The following BNC1 variants were observed in gnomAD, a reference collection of about 807,000 sequenced individuals.
The protein encoded by BNC1 is basonuclin zinc finger protein 1.
In BNC1, 8 loss-of-function variants were observed where a neutral mutation model predicts 66.5. The observed-to-expected ratio is 0.12, with a 90% CI of 0.07 to 0.22. BNC1 has a LOEUF of 0.22. Ranked by LOEUF, BNC1 falls within the 10% of genes least tolerant of loss-of-function variation. The pLI, the probability that BNC1 is intolerant of heterozygous loss-of-function variation, is 1.00. For synonymous variants in BNC1, 454 were observed against 452.6 expected, an observed-to-expected ratio of 1.00 and a Z score of -0.04; for missense variants, 1,069 against 1,241.3, an observed-to-expected ratio of 0.86 and a Z score of 2.09.
At chr15:83,269,574 A>T (rs531476386) in intron 1 of BNC1, among the ~76,000 whole-genome samples, 21 of 152,276 alleles carry the variant, frequency 1.4e-4, no homozygotes, top group African/African-American at 4.3e-4. Flanking sequence ...GACTTGGGAA[A>T]TTCATTTTAA....
At chr15:83,283,427 G>A (rs1465918592) in intron 1 of BNC1, 3 of 1,188,128 alleles carry the variant, frequency 2.5e-6, no homozygotes, top group African/African-American at 3.3e-5. Flanking sequence ...CAGCCTCGCC[G>A]CCGCCGCCCG....
At chr15:83,284,143 A>G (rs2151441839) in intron 1 of BNC1, among the ~76,000 whole-genome samples, 1 of 151,374 alleles carries the variant, frequency 6.6e-6, no homozygotes, top group Admixed American at 6.6e-5. Context: ...AGGTGGAAAC[A>G]GCAAGTCCTA....
chr15:83,283,398 C>T (rs1430451967), intron 1 of BNC1: 4 of 1,290,852 alleles, frequency 3.1e-6, no homozygotes, highest in Admixed American at 4.2e-5. Context: ...CGGCCTCCTC[C>T]TTCTCCGCCC....
intron 1 of BNC1, among the ~76,000 whole-genome samples, chr15:83,281,953 C>T (rs373071761): frequency 1.3e-5 from 2 of 152,318 alleles, no homozygotes; most frequent in Admixed American, 6.5e-5. Context: ...CATAAAATAG[C>T]CCTCCAGTAA....
chr15:83,275,504 A>G (rs1595941583), intron 1 of BNC1, among the ~76,000 whole-genome samples: 1 of 151,946 alleles, frequency 6.6e-6, no homozygotes, highest in East Asian at 1.9e-4. Context: ...AAAAAAAAAA[A>G]AAAAACTAAG....
chr15:83,281,348 A>T lies in BNC1; in HGVS notation c.99+3182T>A, dbSNP rs2038376990. Among the ~76,000 whole-genome samples, 2 of 152,238 alleles carry T rather than the reference A, an allele frequency of 1.3e-5. 1 individual carries two copies. Among genetic ancestry groups the T allele is most frequent in the South Asian group, 4.1e-4 (2 of 4,828 alleles). On this transcript the variant is annotated intron_variant, in intron 1 of 4. Coordinates refer to ENST00000345382, the MANE Select transcript of BNC1 (RefSeq NM_001717.4). ...CTCTCAGAGAAGTCATCAAAAATAA[A>T]GAAACAAAAACTCTGCAGTAGAACA...
rs750760121 is a variant in BNC1, at chr15:83,264,251, T to C, written c.1000A>G (p.Arg334Gly). The C allele has an allele frequency of 9.3e-6, 15 of 1,614,098 alleles. No individual in the cohort carries two copies. The Admixed American group carries it at 2.5e-4, about 27-fold the overall frequency. ...SSYNIVTKFE[R>G]TQLSPEAKVK... ...TTGGCCTCAGGGGATAACTGTGTCC[T>C]TTCAAACTTAGTGACAATGTTGTAT... The change falls in exon 4 of 5, where the codon AGG (arginine) becomes GGG (glycine). Residue 334 changes from arginine (R) to glycine (G), a missense_variant. Physicochemically the swap from Arg to Gly is moderately radical, Grantham distance 125. Around this residue, in one of 7 missense-constraint regions of BNC1, gnomAD observed 82 missense variants for 136.3 expected, o/e 0.60. Coordinates refer to ENST00000345382, the MANE Select transcript of BNC1 (RefSeq NM_001717.4).
At position 83,264,606 on chromosome 15, in the gene BNC1, A is replaced by T. The variant is rs771668778; in HGVS notation, c.645T>A (p.Ser215Arg). 7.4e-6 allele frequency: 12 copies of T among 1,613,398 alleles called. No individual in the cohort carries two copies. In the Admixed American group the frequency reaches 8.3e-5, roughly 11 times the overall value. Residue 215 changes from serine (S) to arginine (R), a missense_variant, in exon 4 of 5, where the codon AGT becomes AGA. Physicochemically the swap from Ser to Arg is moderately radical, Grantham distance 110. This residue lies in a region of BNC1 where 181 missense variants were observed against 181.5 expected (regional missense o/e 1.00). Transcript: ENST00000345382. ...TGTCCACAGGAGTGGGGAGGCTAGA[A>T]CTCCTGTGACTGCAGCTCTCGATGA... ...RAFIESCSHR[S>R]SSLPTPVDKG...
At chr15:83,276,068 C>G (rs2038319404) in intron 1 of BNC1, among the ~76,000 whole-genome samples, 1 of 152,188 alleles carries the variant, frequency 6.6e-6, no homozygotes. Context: ...AAAACTTCAG[C>G]TCCATGCCTT....
chr15:83,278,199 A>C (rs2038345728), intron 1 of BNC1, among the ~76,000 whole-genome samples: 1 of 152,232 alleles, frequency 6.6e-6, no homozygotes, highest in East Asian at 1.9e-4. Flanking sequence ...GACACTCAAC[A>C]CATCATGCCA....
At chr15:83,266,451 G>A (rs888384256) in intron 3 of BNC1, among the ~76,000 whole-genome samples, 1 of 152,168 alleles carries the variant, frequency 6.6e-6, no homozygotes, top group African/African-American at 2.4e-5. Flanking sequence ...TTGCTGTGTG[G>A]TTCATGTAAG....
chr15:83,260,600 G>GT (rs2038129478), intron 4 of BNC1, among the ~76,000 whole-genome samples: 1 of 152,128 alleles, frequency 6.6e-6, no homozygotes, highest in South Asian at 2.1e-4. Context: ...ACATTCAACT[G>GT]TAATTGCCTG....
chr15:83,267,129 C>A, intron 2 of BNC1, 58 bp from the exon 3 acceptor site: 28 of 1,407,776 alleles, frequency 2.0e-5, no homozygotes, highest in Non-Finnish European at 2.7e-5. Flanking sequence ...AAGAGAAACA[C>A]TGCAAAAAAA....
At position 83,263,412 on chromosome 15, in the gene BNC1, T is replaced by C. The variant is rs1487537454; in HGVS notation, c.1839A>G (p.Ser613=). 6.2e-7 allele frequency: 1 copy of C among 1,614,220 alleles called. No individual in the cohort carries two copies. ...TGATGGCTCCACTGGACTCAATTAC[T>C]GATTCACGATGGCAGGGCCTCTCCC... is the stretch of plus-strand genomic sequence containing the variant. ...PEGERPCHRE[S]VIESSGAISQ... Residue 613 remains serine (S), a synonymous_variant, in exon 4 of 5, where the codon TCA becomes TCG. Coordinates refer to ENST00000345382, the MANE Select transcript of BNC1 (RefSeq NM_001717.4).
At chr15:83,280,043 G>T (rs1288115926) in intron 1 of BNC1, among the ~76,000 whole-genome samples, 1 of 152,140 alleles carries the variant, frequency 6.6e-6, no homozygotes, top group African/African-American at 2.4e-5. Flanking sequence ...TTGTTCTTTT[G>T]ATGTCTATGA....
At chr15:83,277,307 T>C (rs1225699295) in intron 1 of BNC1, among the ~76,000 whole-genome samples, 1 of 152,124 alleles carries the variant, frequency 6.6e-6, no homozygotes, top group Non-Finnish European at 1.5e-5. Flanking sequence ...CTTGAACTCC[T>C]GATTCACTTT....
At chr15:83,282,999 T>G (rs775377514) in intron 1 of BNC1, 21 of 1,081,708 alleles carry the variant, frequency 1.9e-5, no homozygotes, top group Non-Finnish European at 2.6e-5. Context: ...TGCCCTGGCC[T>G]TCAGAGGACT....
At chr15:83,271,266 C>A (rs763934105) in intron 1 of BNC1, among the ~76,000 whole-genome samples, 2 of 152,086 alleles carry the variant, frequency 1.3e-5, no homozygotes, top group African/African-American at 2.4e-5. Context: ...AACAAAAAAA[C>A]CAGTGACCCT....
intron 1 of BNC1, among the ~76,000 whole-genome samples, chr15:83,277,538 T>C (rs4441234): frequency 1.4e-4 from 22 of 152,286 alleles, no homozygotes; most frequent in African/African-American, 5.3e-4. Flanking sequence ...CTCTATCTCC[T>C]GACCTCATGA....
Sources: allele counts gnomAD v4.1 joint callset (sites outside exome capture counted in the v4.1 genomes callset), GRCh38; gene constraint gnomAD v4.1.1; regional missense constraint gnomAD v4.1.1; transcripts MANE v1.5; gene names NCBI Gene and HGNC (gene_info 2026-07-23, HGNC 2026-07-21).